PTPRM: variants seen among roughly 807,000 people sequenced by gnomAD.
PTPRM encodes the protein protein tyrosine phosphatase receptor type M, also known as receptor-type tyrosine-protein phosphatase mu.
PTPRM carries 47 observed loss-of-function variants against 186.7 expected under a neutral mutation model. The observed-to-expected ratio is 0.25, with a 90% CI of 0.20 to 0.32. The LOEUF is 0.32. Among genes scored for constraint, PTPRM ranks in the 10% least tolerant of loss-of-function variants. The pLI, the probability that PTPRM is intolerant of heterozygous loss-of-function variation, is 1.00. For missense variants in PTPRM, 1,494 were observed against 1,865.0 expected (o/e 0.80, Z 3.66); for synonymous variants, 668 against 674.9 (o/e 0.99, Z 0.16).
chr18:8,339,482 G>T (rs1038282442), intron 22 of PTPRM, among the ~76,000 whole-genome samples: 1 of 152,144 alleles, frequency 6.6e-6, no homozygotes, highest in Admixed American at 6.5e-5. Context: ...GCCCTGTCTT[G>T]CAAACACATC....
chr18:7,602,700 A>G (rs2037432760), intron 1 of PTPRM, among the ~76,000 whole-genome samples: 1 of 151,582 alleles, frequency 6.6e-6, no homozygotes, highest in Non-Finnish European at 1.5e-5. Flanking sequence ...AGAAATGTTA[A>G]ATAGGACTAT....
chr18:7,653,828 T>C lies in PTPRM; in HGVS notation c.73+85937T>C, dbSNP rs574626858. On this transcript the variant is annotated intron_variant, in intron 1 of 32. Transcript: ENST00000580170. ...AATGATTTATATTCCTCTGGGTATA[T>C]ACCCAGTAATGGGGTTGCTGGGTTG... is the stretch of plus-strand genomic sequence containing the variant. Among the ~76,000 whole-genome samples the C allele has an allele frequency of 2.0e-5, 3 of 152,340 alleles. No individual in the cohort carries two copies. In the South Asian group the frequency reaches 6.2e-4, roughly 32 times the overall value.
intron 1 of PTPRM, among the ~76,000 whole-genome samples, chr18:7,681,455 C>T (rs1056582205): frequency 4.6e-5 from 7 of 152,048 alleles, no homozygotes; most frequent in African/African-American, 9.6e-5. Context: ...TGATTAATGT[C>T]GGGGCTGTTA....
chr18:7,976,268 A>G (rs2054932180), intron 7 of PTPRM, among the ~76,000 whole-genome samples: 1 of 152,266 alleles, frequency 6.6e-6, no homozygotes, highest in Non-Finnish European at 1.5e-5. Flanking sequence ...CTATGGATAC[A>G]GTAAAAAATA....
At chr18:8,261,982 G>C (rs150951671) in intron 19 of PTPRM, among the ~76,000 whole-genome samples, 2 of 151,908 alleles carry the variant, frequency 1.3e-5, no homozygotes, top group Non-Finnish European at 2.9e-5. Context: ...GAACGTGCCC[G>C]TGTGCCAGCA....
intron 14 of PTPRM, among the ~76,000 whole-genome samples, chr18:8,212,674 G>A (rs1052016323): frequency 6.6e-6 from 1 of 152,022 alleles, no homozygotes; most frequent in African/African-American, 2.4e-5. Flanking sequence ...GAGTGTGATG[G>A]TGCATGCCTG....
chr18:7,826,591 C>T (rs1241008162), intron 2 of PTPRM, among the ~76,000 whole-genome samples: 1 of 152,170 alleles, frequency 6.6e-6, no homozygotes, highest in Admixed American at 6.5e-5. Context: ...ATGGTTATAA[C>T]AAATGAAACT....
At chr18:8,358,829 C>T (rs769435992) in intron 23 of PTPRM, among the ~76,000 whole-genome samples, 20 of 152,152 alleles carry the variant, frequency 1.3e-4, no homozygotes, top group Non-Finnish European at 1.8e-4. Flanking sequence ...AGAATAATTA[C>T]AAAGGAACAT....
At chr18:7,740,160 T>A (rs527257257) in intron 1 of PTPRM, among the ~76,000 whole-genome samples, 24 of 152,312 alleles carry the variant, frequency 1.6e-4, no homozygotes, top group African/African-American at 5.8e-4. Flanking sequence ...CTTGAGGGCA[T>A]TGGTTGGTCC....
intron 14 of PTPRM, among the ~76,000 whole-genome samples, chr18:8,242,208 T>A (rs931184521): frequency 9.2e-5 from 14 of 152,276 alleles, no homozygotes; most frequent in Middle Eastern, 3.4e-3. Context: ...AGGCAATTAC[T>A]GGCATAAATC....
intron 2 of PTPRM, among the ~76,000 whole-genome samples, chr18:7,868,804 C>T (rs2047841907): frequency 6.6e-6 from 1 of 152,332 alleles, no homozygotes; most frequent in Admixed American, 6.5e-5. Context: ...CCACAGCCAC[C>T]CCTTCCTCCA....
chr18:8,114,116 C>A (rs924847289), intron 12 of PTPRM, among the ~76,000 whole-genome samples: 17 of 152,048 alleles, frequency 1.1e-4, no homozygotes, highest in African/African-American at 4.1e-4. Flanking sequence ...AGATTCACAG[C>A]ATCTGTCTTT....
chr18:7,581,857 G>A (rs373790481), intron 1 of PTPRM, among the ~76,000 whole-genome samples: 3 of 151,826 alleles, frequency 2.0e-5, no homozygotes, highest in African/African-American at 7.3e-5. Context: ...ATGACTTCTC[G>A]TTATGTTGCC....
chr18:7,826,946 AAAT>A (rs1259857435), intron 2 of PTPRM, among the ~76,000 whole-genome samples: 2 of 150,374 alleles, frequency 1.3e-5, no homozygotes, highest in South Asian at 2.1e-4. Context: ...TTAAAAAAAT[AAAT>A]AAATAAGCCA....
intron 1 of PTPRM, among the ~76,000 whole-genome samples, chr18:7,684,273 G>A (rs675754): frequency 0.15 from 22,027 of 151,134 alleles, 2,510 homozygotes; most frequent in East Asian, 0.4. Flanking sequence ...TCTAGCCTGG[G>A]TGACAGAGGG....
chr18:8,027,634 A>G (rs369373734), intron 7 of PTPRM, among the ~76,000 whole-genome samples: 20 of 152,348 alleles, frequency 1.3e-4, no homozygotes, highest in African/African-American at 4.6e-4. Context: ...GCAAAATAAC[A>G]AACCAACATA....
At chr18:8,137,843 C>A (rs2092673418) in intron 13 of PTPRM, among the ~76,000 whole-genome samples, 1 of 152,082 alleles carries the variant, frequency 6.6e-6, no homozygotes, top group South Asian at 2.1e-4. Context: ...AGCCCTCCCT[C>A]ATCCCCTCCA....
intron 8 of PTPRM, among the ~76,000 whole-genome samples, chr18:8,075,569 T>C (rs529684380): frequency 3.3e-4 from 51 of 152,304 alleles, no homozygotes; most frequent in African/African-American, 1.2e-3. Context: ...AATAACATTT[T>C]ATAATGATAT....
At chr18:8,337,946 G>T (rs1358919478) in intron 22 of PTPRM, among the ~76,000 whole-genome samples, 1 of 152,186 alleles carries the variant, frequency 6.6e-6, no homozygotes, top group East Asian at 1.9e-4. Context: ...ATGACATGTG[G>T]GGTTTACAGT....
Sources: allele counts gnomAD v4.1 joint callset (sites outside exome capture counted in the v4.1 genomes callset), GRCh38; gene constraint gnomAD v4.1.1; transcripts MANE v1.5; gene names NCBI Gene and HGNC (gene_info 2026-07-23, HGNC 2026-07-21).